PSMD1: variants seen among roughly 807,000 people sequenced by gnomAD.
PSMD1 encodes the protein proteasome 26S subunit, non-ATPase 1.
Under a neutral mutation model 119.0 loss-of-function variants are expected in PSMD1, and 18 were observed. That is an observed-to-expected ratio of 0.15 (90% CI 0.10 to 0.22). PSMD1 has a LOEUF of 0.22. PSMD1 is among the 10% of genes least tolerant of loss of function. The probability of loss-of-function intolerance (pLI) is 1.00; values close to 1 mark genes in which losing one functional copy is unlikely to be tolerated. For synonymous variants in PSMD1, 374 were observed against 396.6 expected, an observed-to-expected ratio of 0.94 and a Z score of 0.68; for missense variants, 702 against 1,158.5, an observed-to-expected ratio of 0.61 and a Z score of 5.72.
At chr2:231,057,429 A>AT (rs1294799863) in intron 1 of PSMD1, among the ~76,000 whole-genome samples, 1 of 152,208 alleles carries the variant, frequency 6.6e-6, no homozygotes, top group Non-Finnish European at 1.5e-5. Flanking sequence ...CCCCTGTGCC[A>AT]TTGAACAGTA....
intron 10 of PSMD1, 111 bp downstream of exon 10, chr2:231,078,858 G>T (rs145070821): frequency 2.9e-6 from 2 of 692,746 alleles, no homozygotes; most frequent in Non-Finnish European, 4.4e-6. Flanking sequence ...GCAGTGATGC[G>T]ATCTCGGCTC....
At chr2:231,147,484 A>G (rs1038363885) in intron 18 of PSMD1, among the ~76,000 whole-genome samples, 1 of 152,186 alleles carries the variant, frequency 6.6e-6, no homozygotes, top group Non-Finnish European at 1.5e-5. Context: ...GTGACAGAGC[A>G]AGACCCTGTC....
Position 231,071,700 on chromosome 2 carries a change from T to C in PSMD1, c.655-489T>C, listed in dbSNP as rs190403289. On this transcript the variant is annotated intron_variant, in intron 6 of 24. Transcript: ENST00000308696. The stretch of plus-strand genomic sequence containing the variant: ...GTTTTTAAAAGAAAAATTCTAACTT[T>C]GTTGGATAATTTTGTTAAAACAATG... 3.9e-5 allele frequency among the ~76,000 whole-genome samples: 6 copies of C among 152,330 alleles called. No individual in the cohort carries two copies. The East Asian group carries it at 5.8e-4, about 15-fold the overall frequency.
At chr2:231,088,484 T>G (rs1694508851) in intron 16 of PSMD1, among the ~76,000 whole-genome samples, 2 of 152,280 alleles carry the variant, frequency 1.3e-5, no homozygotes, top group African/African-American at 4.8e-5. Context: ...TTCATTTCTC[T>G]GTGTCACATT....
At chr2:231,123,937 A>T (rs866893063) in intron 16 of PSMD1, 24 of 644,928 alleles carry the variant, frequency 3.7e-5, no homozygotes, top group African/African-American at 2.2e-4. Context: ...GCGCATACAC[A>T]CATCTGTCCA....
chr2:231,115,237 T>G (rs754767308), intron 16 of PSMD1, among the ~76,000 whole-genome samples: 1 of 151,862 alleles, frequency 6.6e-6, no homozygotes, highest in Non-Finnish European at 1.5e-5. Flanking sequence ...TAGATAGATT[T>G]GGCTGTTATT....
intron 21 of PSMD1, among the ~76,000 whole-genome samples, chr2:231,164,200 A>G (rs1428044805): frequency 1.3e-5 from 2 of 152,154 alleles, no homozygotes; most frequent in African/African-American, 4.8e-5. Context: ...CTGGAATTGA[A>G]AGTCTTTATA....
chr2:231,068,479 C>T (rs1693960162), intron 5 of PSMD1, among the ~76,000 whole-genome samples: 1 of 152,094 alleles, frequency 6.6e-6, no homozygotes, highest in Non-Finnish European at 1.5e-5. Context: ...GCATTGTCCC[C>T]ATTCATCCAT....
intron 16 of PSMD1, 117 bp from the exon 17 acceptor site, chr2:231,138,619 G>A: frequency 1.5e-6 from 1 of 683,482 alleles, no homozygotes; most frequent in Non-Finnish European, 2.6e-6. Context: ...TGCAATTTAT[G>A]TTTTAAATGC....
chr2:231,102,270 T>C (rs1196703554), intron 16 of PSMD1, among the ~76,000 whole-genome samples: 1 of 152,176 alleles, frequency 6.6e-6, no homozygotes, highest in African/African-American at 2.4e-5. Flanking sequence ...CTCTCTTTAT[T>C]GTAGTAGTCT....
intron 16 of PSMD1, among the ~76,000 whole-genome samples, chr2:231,096,625 A>C (rs577092837): frequency 2.6e-5 from 4 of 152,328 alleles, no homozygotes; most frequent in African/African-American, 9.6e-5. Flanking sequence ...TGAATATAAA[A>C]TTTTCTTTTT....
At chr2:231,120,152 A>G (rs1017972201) in intron 16 of PSMD1, among the ~76,000 whole-genome samples, 4 of 152,074 alleles carry the variant, frequency 2.6e-5, no homozygotes, top group Non-Finnish European at 5.9e-5. Flanking sequence ...GGGTTTCGCC[A>G]TCTTGGCCAG....
At chr2:231,074,457 T>G (rs897280430) in intron 7 of PSMD1, among the ~76,000 whole-genome samples, 2 of 152,166 alleles carry the variant, frequency 1.3e-5, no homozygotes, top group Admixed American at 6.5e-5. Flanking sequence ...CCTTCTCCTT[T>G]TCTTAAGGCT....
rs1430420315 is a variant in PSMD1 at position 231,072,263 on chromosome 2, G to A, written c.729G>A (p.Leu243=). ...AACTGGTAAAGGAAGACAACCTCCTGATGGCATATCAGATTTGTTTTGATT... is the reference window on the plus strand; with the variant it reads ...AACTGGTAAAGGAAGACAACCTCCTAATGGCATATCAGATTTGTTTTGATT... ...LEKLVKEDNL[L]MAYQICFDLY... The change falls in exon 7 of 25, where the codon CTG becomes CTA. Residue 243 remains leucine (L), a synonymous_variant. Coordinates refer to ENST00000308696, the MANE Select transcript of PSMD1 (RefSeq NM_002807.4). 2.5e-6 allele frequency: 4 copies of A among 1,613,834 alleles called. No homozygotes were observed. The Admixed American group carries it at 6.7e-5, about 27-fold the overall frequency.
chr2:231,136,279 C>A (rs1054617362), intron 16 of PSMD1, among the ~76,000 whole-genome samples: 1 of 152,072 alleles, frequency 6.6e-6, no homozygotes, highest in African/African-American at 2.4e-5. Context: ...AGTGCCTGGG[C>A]CCTAGGAACT....
intron 18 of PSMD1, among the ~76,000 whole-genome samples, chr2:231,147,227 T>G (rs781071088): frequency 4.6e-5 from 7 of 152,218 alleles, no homozygotes; most frequent in African/African-American, 1.2e-4. Flanking sequence ...GCATGGTGGT[T>G]CATTCCTATA....
At chr2:231,082,353 A>G (rs1426420085) in intron 12 of PSMD1, among the ~76,000 whole-genome samples, 1 of 152,192 alleles carries the variant, frequency 6.6e-6, no homozygotes, top group Non-Finnish European at 1.5e-5. Context: ...AGCATGAGCC[A>G]CCAGTCCAGC....
At chr2:231,120,089 C>T (rs1318147522) in intron 16 of PSMD1, among the ~76,000 whole-genome samples, 1 of 151,690 alleles carries the variant, frequency 6.6e-6, no homozygotes, top group South Asian at 2.1e-4. Context: ...GTAGCTGGGA[C>T]TACAGGCGCG....
intron 16 of PSMD1, among the ~76,000 whole-genome samples, chr2:231,102,566 T>C (rs1024926076): frequency 2.0e-5 from 3 of 152,170 alleles, no homozygotes; most frequent in Admixed American, 6.5e-5. Context: ...AAAATGTTAT[T>C]AAGAAAATCA....
Sources: allele counts gnomAD v4.1 joint callset (sites outside exome capture counted in the v4.1 genomes callset), GRCh38; gene constraint gnomAD v4.1.1; transcripts MANE v1.5; gene names NCBI Gene and HGNC (gene_info 2026-07-23, HGNC 2026-07-21).